The following MCTP1 variants were observed in gnomAD, a reference collection of about 807,000 sequenced individuals.
MCTP1 encodes multiple C2 and transmembrane domain-containing protein 1.
MCTP1 carries 69 observed loss-of-function variants against 120.6 expected under a neutral mutation model. That is an observed-to-expected ratio of 0.57 (90% CI 0.47 to 0.70). MCTP1 has a LOEUF of 0.70. Among genes scored for constraint, MCTP1 ranks in the 30% least tolerant of loss-of-function variants. The pLI is 0.00. For synonymous variants in MCTP1, 529 were observed against 493.1 expected, an observed-to-expected ratio of 1.07 and a Z score of -0.96; for missense variants, 1,203 against 1,248.8, an observed-to-expected ratio of 0.96 and a Z score of 0.55.
intron 19 of MCTP1, among the ~76,000 whole-genome samples, chr5:94,752,473 G>A (rs914228767): frequency 6.6e-6 from 1 of 152,064 alleles, no homozygotes; most frequent in Non-Finnish European, 1.5e-5. Flanking sequence ...GTTTGCAAGT[G>A]CTTGAAGCTA....
At chr5:94,981,331 C>T (rs546231644) in intron 2 of MCTP1, among the ~76,000 whole-genome samples, 1 of 152,240 alleles carries the variant, frequency 6.6e-6, no homozygotes, top group South Asian at 2.1e-4. Context: ...TTTTCCAATG[C>T]CATTAACATC....
chr5:95,056,080 A>G (rs1295931904), intron 1 of MCTP1, among the ~76,000 whole-genome samples: 3 of 152,228 alleles, frequency 2.0e-5, no homozygotes, highest in Non-Finnish European at 4.4e-5. Context: ...ATCAAAATAT[A>G]AAAGTATTAT....
At chr5:95,192,827 C>T (rs939844668) in intron 1 of MCTP1, among the ~76,000 whole-genome samples, 3 of 152,034 alleles carry the variant, frequency 2.0e-5, no homozygotes, top group Non-Finnish European at 2.9e-5. Context: ...AGGCCTATTA[C>T]GGTTCCAGTG....
chr5:95,067,184 TACACAGCTGGAATA>T (rs1393454194), intron 1 of MCTP1, among the ~76,000 whole-genome samples: 1 of 152,130 alleles, frequency 6.6e-6, no homozygotes, highest in Non-Finnish European at 1.5e-5. Context: ...TACAAAGTTA[TACACAGCTGGAATA>T]ACTTCTGGAA....
rs557173796 is a variant in MCTP1 at position 95,175,771 on chromosome 5, A to G, written c.720+108085T>C. On this transcript the variant is annotated intron_variant, in intron 1 of 22. Transcript: ENST00000515393. ...AAGGTGTCCTCAGCACGGCCCTCAG[A>G]GGCCCACCCACTCACACCTGCCAGG... Among the ~76,000 whole-genome samples the G allele has an allele frequency of 7.9e-5, 12 of 152,260 alleles. No individual in the cohort carries two copies. The South Asian group carries it at 2.1e-3, about 26-fold the overall frequency.
At chr5:94,836,716 C>A (rs1789872355) in intron 17 of MCTP1, among the ~76,000 whole-genome samples, 1 of 152,172 alleles carries the variant, frequency 6.6e-6, no homozygotes, top group Non-Finnish European at 1.5e-5. Flanking sequence ...CTTGTATAAA[C>A]CACAGCTGAT....
At chr5:95,208,223 G>T (rs1751900328) in intron 1 of MCTP1, among the ~76,000 whole-genome samples, 2 of 152,114 alleles carry the variant, frequency 1.3e-5, no homozygotes, top group Non-Finnish European at 2.9e-5. Flanking sequence ...CCTAGTAGCT[G>T]GGATTACAGG....
intron 17 of MCTP1, chr5:94,867,615 T>G (rs1464961916): frequency 2.6e-6 from 1 of 387,028 alleles, no homozygotes; most frequent in African/African-American, 2.1e-5. Context: ...AACTTCAAAC[T>G]GAAATCCTGA....
intron 1 of MCTP1, among the ~76,000 whole-genome samples, chr5:95,229,123 G>A (rs952704915): frequency 2.6e-5 from 4 of 152,164 alleles, no homozygotes; most frequent in African/African-American, 4.8e-5. Context: ...ATAGCTGACC[G>A]AAGCCAGAAC....
At chr5:94,878,706 A>G (rs1799436192) in intron 12 of MCTP1, among the ~76,000 whole-genome samples, 2 of 152,132 alleles carry the variant, frequency 1.3e-5, no homozygotes, top group Non-Finnish European at 2.9e-5. Flanking sequence ...GTGCCAGGCC[A>G]TATGAACAGA....
At chr5:95,139,112 A>G (rs1424405120) in intron 1 of MCTP1, among the ~76,000 whole-genome samples, 1 of 152,218 alleles carries the variant, frequency 6.6e-6, no homozygotes, top group Non-Finnish European at 1.5e-5. Flanking sequence ...ACATCAGCTA[A>G]GAAACATAAT....
chr5:95,231,653 A>G (rs899389716), intron 1 of MCTP1, among the ~76,000 whole-genome samples: 5 of 152,138 alleles, frequency 3.3e-5, no homozygotes, highest in African/African-American at 1.2e-4. Flanking sequence ...AGATCTACAT[A>G]AAGGAATGAA....
At chr5:94,801,016 A>G (rs1264795466) in intron 17 of MCTP1, among the ~76,000 whole-genome samples, 1 of 152,062 alleles carries the variant, frequency 6.6e-6, no homozygotes, top group Non-Finnish European at 1.5e-5. Flanking sequence ...ATGATTATTA[A>G]AATATATTTT....
intron 1 of MCTP1, among the ~76,000 whole-genome samples, chr5:95,059,131 C>T (rs1433348208): frequency 1.3e-5 from 2 of 152,056 alleles, no homozygotes; most frequent in African/African-American, 2.4e-5. Context: ...AGGTCCATCA[C>T]AGTGCTATTC....
chr5:95,014,890 T>G (rs2153663602), intron 2 of MCTP1, among the ~76,000 whole-genome samples: 1 of 152,206 alleles, frequency 6.6e-6, no homozygotes, highest in Middle Eastern at 3.4e-3. Context: ...GTTGTGTAAT[T>G]TTATGAAATT....
intron 1 of MCTP1, among the ~76,000 whole-genome samples, chr5:95,170,322 T>C (rs1747079930): frequency 6.6e-6 from 1 of 152,220 alleles, no homozygotes; most frequent in African/African-American, 2.4e-5. Flanking sequence ...AGGAGTGCTT[T>C]ACTTCCAACT....
intron 12 of MCTP1, among the ~76,000 whole-genome samples, chr5:94,883,020 T>C (rs1469497983): frequency 1.3e-5 from 2 of 152,194 alleles, no homozygotes; most frequent in East Asian, 3.8e-4. Flanking sequence ...TTCCTATAAT[T>C]AGAATTTGGC....
At chr5:94,793,975 T>C (rs1779489757) in intron 18 of MCTP1, among the ~76,000 whole-genome samples, 1 of 152,184 alleles carries the variant, frequency 6.6e-6, no homozygotes, top group South Asian at 2.1e-4. Context: ...AGTACTATTC[T>C]AAAAGGGAAA....
chr5:95,211,809 T>C (rs539516952), intron 1 of MCTP1, among the ~76,000 whole-genome samples: 2 of 152,340 alleles, frequency 1.3e-5, no homozygotes, highest in East Asian at 3.9e-4. Context: ...TGTGGTTTTA[T>C]CTACTTTTGG....
Sources: allele counts gnomAD v4.1 joint callset (sites outside exome capture counted in the v4.1 genomes callset), GRCh38; gene constraint gnomAD v4.1.1; transcripts MANE v1.5; gene names NCBI Gene and HGNC (gene_info 2026-07-23, HGNC 2026-07-21).